Variants in LRRC37A2 observed in about 807,000 individuals in gnomAD.
LRRC37A2 encodes the protein leucine rich repeat containing 37 member A2, also known as leucine-rich repeat-containing protein 37A2.
A neutral mutation model predicts 68.8 loss-of-function variants in LRRC37A2; 9 were observed. The observed-to-expected ratio is 0.13, with a 90% CI of 0.08 to 0.23. The LOEUF is 0.23. Among genes scored for constraint, LRRC37A2 ranks in the 10% least tolerant of loss-of-function variants. The probability of loss-of-function intolerance (pLI) is 1.00; values close to 1 mark genes in which losing one functional copy is unlikely to be tolerated. For synonymous variants in LRRC37A2, 63 were observed against 367.6 expected, an observed-to-expected ratio of 0.17 and a Z score of 9.48; for missense variants, 168 against 950.4, an observed-to-expected ratio of 0.18 and a Z score of 10.82.
the LRRC37A2 span, among the ~76,000 whole-genome samples, chr17:46,982,946 T>C: frequency 6.6e-6 from 1 of 152,158 alleles, no homozygotes; most frequent in Non-Finnish European, 1.5e-5. Flanking sequence ...GCAGGAAAGC[T>C]ACAGTTGGGC....
At chr17:46,792,717 C>T in the LRRC37A2 span, among the ~76,000 whole-genome samples, 1 of 152,148 alleles carries the variant, frequency 6.6e-6, no homozygotes, top group Non-Finnish European at 1.5e-5. Flanking sequence ...CGTGATCTGC[C>T]CACCTCTGCC....
the LRRC37A2 span, among the ~76,000 whole-genome samples, chr17:46,746,685 G>A: frequency 1.3e-5 from 2 of 152,120 alleles, no homozygotes; most frequent in African/African-American, 4.8e-5. Context: ...GTAAAGACAG[G>A]CAGTATATGA....
the LRRC37A2 span, among the ~76,000 whole-genome samples, chr17:46,957,802 C>G: frequency 6.6e-6 from 1 of 152,140 alleles, no homozygotes; most frequent in Non-Finnish European, 1.5e-5. Flanking sequence ...AGATATCGGA[C>G]AGGAGAGAGA....
At chr17:46,710,775 G>GC in the LRRC37A2 span, among the ~76,000 whole-genome samples, 1 of 152,016 alleles carries the variant, frequency 6.6e-6, no homozygotes, top group Non-Finnish European at 1.5e-5. Context: ...ACCCAAAGCA[G>GC]CTTTTTTTTT....
the LRRC37A2 span, chr17:47,028,374 A>C: frequency 7.1e-7 from 1 of 1,405,142 alleles, no homozygotes; most frequent in Admixed American, 1.7e-5. Flanking sequence ...AGTGAAATAG[A>C]AGATGAATAC....
intron 6 of LRRC37A2, chr17:46,528,812 G>A (rs1406305062): frequency 1.5e-6 from 1 of 672,014 alleles, no homozygotes; most frequent in African/African-American, 2.0e-5. Context: ...TGCAGTCCGA[G>A]GTCTTGTATG....
At chr17:46,903,688 T>C in the LRRC37A2 span, among the ~76,000 whole-genome samples, 2 of 149,876 alleles carry the variant, frequency 1.3e-5, no homozygotes, top group Admixed American at 1.3e-4. Flanking sequence ...GGCGGATGTA[T>C]GGGTGGGTGG....
At chr17:47,019,846 T>C in the LRRC37A2 span, 4 of 1,156,904 alleles carry the variant, frequency 3.5e-6, no homozygotes, top group East Asian at 9.4e-5. Flanking sequence ...CTGCCTGACA[T>C]GGCAGCCTTT....
At chr17:46,936,435 G>T in the LRRC37A2 span, 1 of 985,346 alleles carries the variant, frequency 1.0e-6, no homozygotes. Context: ...CTGTGAGGTG[G>T]CTGGGGGTTG....
At chr17:46,955,780 C>T in the LRRC37A2 span, 1 of 152,266 alleles carries the variant, frequency 6.6e-6, no homozygotes, top group African/African-American at 2.4e-5. Flanking sequence ...TTCAGCAGTA[C>T]TTGGGTTCCA....
chr17:46,815,941 T>C, the LRRC37A2 span, among the ~76,000 whole-genome samples: 2 of 152,080 alleles, frequency 1.3e-5, no homozygotes, highest in Admixed American at 1.3e-4. Flanking sequence ...GCCCAGCACC[T>C]GGGGACAGGA....
the LRRC37A2 span, among the ~76,000 whole-genome samples, chr17:46,852,166 T>TCTC: frequency 2.6e-5 from 4 of 152,224 alleles, no homozygotes; most frequent in African/African-American, 9.6e-5. Flanking sequence ...GCCTTCGCCC[T>TCTC]GCGGAGCGGA....
At chr17:46,755,537 G>A in the LRRC37A2 span, 2 of 711,526 alleles carry the variant, frequency 2.8e-6, no homozygotes, top group Non-Finnish European at 4.8e-6. Flanking sequence ...TGTACTGTTG[G>A]TTTGCTCTCC....
the LRRC37A2 span, among the ~76,000 whole-genome samples, chr17:46,736,474 C>T: frequency 2.0e-5 from 3 of 152,328 alleles, no homozygotes; most frequent in South Asian, 6.2e-4. Context: ...TCACAATGGC[C>T]AGAAGCCCTG....
At chr17:47,018,098 A>C in the LRRC37A2 span, 11 of 1,526,842 alleles carry the variant, frequency 7.2e-6, no homozygotes, top group Admixed American at 5.0e-5. Context: ...TTAAACCTGC[A>C]GATGTGGAGG....
the LRRC37A2 span, among the ~76,000 whole-genome samples, chr17:46,681,525 G>A: frequency 1.0e-3 from 155 of 149,632 alleles, 1 homozygote; most frequent in African/African-American, 3.7e-3. Flanking sequence ...TACATAGATC[G>A]ACATGAATAA....
chr17:46,866,638 C>G, the LRRC37A2 span, among the ~76,000 whole-genome samples: 3 of 152,016 alleles, frequency 2.0e-5, no homozygotes, highest in Admixed American at 1.3e-4. Context: ...GCCAGCACCC[C>G]GGGCAGCACA....
At chr17:47,044,329 T>G in the LRRC37A2 span, among the ~76,000 whole-genome samples, 283 of 151,784 alleles carry the variant, frequency 1.9e-3, 1 homozygote, top group African/African-American at 6.6e-3. Context: ...TGTCTGATGT[T>G]TGATTGGATT....
chr17:46,719,143 C>T, the LRRC37A2 span, among the ~76,000 whole-genome samples: 1 of 152,178 alleles, frequency 6.6e-6, no homozygotes, highest in African/African-American at 2.4e-5. The surrounding 1 kb of genome is among the most constrained non-coding windows in gnomAD (Gnocchi z 4.3). Context: ...TTAGTTATTT[C>T]TTTAGCTACA....
Sources: allele counts gnomAD v4.1 joint callset (sites outside exome capture counted in the v4.1 genomes callset), GRCh38; gene constraint gnomAD v4.1.1; non-coding constraint Gnocchi (gnomAD v3.1); transcripts MANE v1.5; gene names NCBI Gene and HGNC (gene_info 2026-07-23, HGNC 2026-07-21).